Variants in CRPPA observed in about 807,000 individuals in gnomAD.
CRPPA encodes the protein CDP-L-ribitol pyrophosphorylase A.
Under a neutral mutation model 52.0 loss-of-function variants are expected in CRPPA, and 43 were observed. That is an observed-to-expected ratio of 0.83 (90% confidence interval 0.65 to 1.07). The LOEUF is 1.07. Ranked by LOEUF, CRPPA falls within the 50% of genes least tolerant of loss-of-function variation. The probability of loss-of-function intolerance (pLI) is 0.00; values close to 1 mark genes in which losing one functional copy is unlikely to be tolerated. For synonymous variants in CRPPA, 250 were observed against 203.5 expected, an observed-to-expected ratio of 1.23 and a Z score of -1.94; for missense variants, 629 against 551.7, an observed-to-expected ratio of 1.14 and a Z score of -1.40.
chr7:16,249,276 G>A (rs1388044873), intron 8 of CRPPA, among the ~76,000 whole-genome samples: 1 of 152,162 alleles, frequency 6.6e-6, no homozygotes, highest in Non-Finnish European at 1.5e-5. Context: ...AGAGCACCTG[G>A]GGGAAGGGGC....
chr7:16,228,334 C>T (rs1308372880), intron 8 of CRPPA, among the ~76,000 whole-genome samples: 1 of 151,794 alleles, frequency 6.6e-6, no homozygotes, highest in Non-Finnish European at 1.5e-5. Context: ...ATATTGTTTC[C>T]TTCCTTCTCC....
chr7:16,097,891 T>C (rs1781966578), intron 9 of CRPPA, among the ~76,000 whole-genome samples: 1 of 152,190 alleles, frequency 6.6e-6, no homozygotes, highest in Admixed American at 6.5e-5. Flanking sequence ...ATGTAGCACC[T>C]TGCAAGTGTA....
chr7:16,132,803 T>G (rs893650489), intron 9 of CRPPA, among the ~76,000 whole-genome samples: 2 of 124,614 alleles, frequency 1.6e-5, no homozygotes, highest in African/African-American at 5.2e-5. Context: ...ACAAAATATA[T>G]GTAGATGCTA....
intron 6 of CRPPA, among the ~76,000 whole-genome samples, chr7:16,273,974 G>T (rs1213410913): frequency 1.3e-5 from 2 of 152,138 alleles, no homozygotes; most frequent in Non-Finnish European, 2.9e-5. Context: ...CCTGCGAAGG[G>T]GCCAGGGGAA....
intron 5 of CRPPA, among the ~76,000 whole-genome samples, chr7:16,296,301 A>C (rs1784674046): frequency 6.6e-6 from 1 of 152,164 alleles, no homozygotes; most frequent in Non-Finnish European, 1.5e-5. Flanking sequence ...ACCAAATACC[A>C]ATGAAAGAAT....
At chr7:16,381,109 CT>C (rs1787074163) in intron 2 of CRPPA, among the ~76,000 whole-genome samples, 1 of 151,860 alleles carries the variant, frequency 6.6e-6, no homozygotes. Flanking sequence ...ATCTTTCCTG[CT>C]TTCTCTTGTG....
intron 3 of CRPPA, among the ~76,000 whole-genome samples, chr7:16,318,253 C>G (rs1785189267): frequency 6.6e-6 from 1 of 152,120 alleles, no homozygotes; most frequent in Non-Finnish European, 1.5e-5. Flanking sequence ...ACTCTCTTGT[C>G]CATCCATTAG....
intron 5 of CRPPA, among the ~76,000 whole-genome samples, chr7:16,284,757 T>C (rs1562607448): frequency 6.6e-6 from 1 of 152,154 alleles, no homozygotes; most frequent in Non-Finnish European, 1.5e-5. Flanking sequence ...GGCTGAAGCA[T>C]TTTATGCAAT....
intron 9 of CRPPA, among the ~76,000 whole-genome samples, chr7:16,176,125 A>G (rs563546239): frequency 1.3e-5 from 2 of 152,266 alleles, no homozygotes; most frequent in East Asian, 3.9e-4. Flanking sequence ...CATCTTCTCT[A>G]CAAACAACCT....
chr7:16,407,151 T>G (rs1029540607), intron 1 of CRPPA, among the ~76,000 whole-genome samples: 1 of 152,118 alleles, frequency 6.6e-6, no homozygotes, highest in Non-Finnish European at 1.5e-5. Flanking sequence ...AGTGTTTGTA[T>G]TTTTTTAGTA....
intron 9 of CRPPA, among the ~76,000 whole-genome samples, chr7:16,210,871 G>T (rs1562559095): frequency 6.6e-6 from 1 of 151,814 alleles, no homozygotes; most frequent in Non-Finnish European, 1.5e-5. Flanking sequence ...AGATCTGGGT[G>T]CAAACATACT....
intron 3 of CRPPA, among the ~76,000 whole-genome samples, chr7:16,352,109 T>C (rs976546257): frequency 2.6e-5 from 4 of 152,170 alleles, no homozygotes; most frequent in Non-Finnish European, 4.4e-5. Context: ...TCATGTCCTT[T>C]GCAGGGACAT....
At chr7:16,414,598 T>G (rs960008568) in intron 1 of CRPPA, among the ~76,000 whole-genome samples, 1 of 152,198 alleles carries the variant, frequency 6.6e-6, no homozygotes. Flanking sequence ...TCATCTGATT[T>G]CTTGGAGCAA....
chr7:16,306,808 A>C (rs1784922627), intron 4 of CRPPA, among the ~76,000 whole-genome samples: 2 of 152,138 alleles, frequency 1.3e-5, no homozygotes. Flanking sequence ...AGGATGAATA[A>C]AATGTTTGCC....
Position 16,367,962 on chromosome 7 carries a change from C to T in CRPPA, c.684+8130G>A, listed in dbSNP as rs552466954. Among the ~76,000 whole-genome samples the T allele has an allele frequency of 2.4e-3, 372 of 152,188 alleles. 2 individuals carry two copies. Among genetic ancestry groups the T allele is most frequent in the African/African-American group, 8.5e-3 (353 of 41,518 alleles). On this transcript the variant is annotated intron_variant, in intron 3 of 9. Coordinates refer to ENST00000407010, the MANE Select transcript of CRPPA (RefSeq NM_001101426.4). The stretch of plus-strand genomic sequence containing the variant: ...GACTGATTCTGTCACTGGCTGAATC[C>T]TGCTGTATCTTTCATGAATTTTCAT...
Position 16,115,538 on chromosome 7 carries a change from C to A in CRPPA, c.1252-23739G>T, listed in dbSNP as rs143610875. ...GTCCTGTTCACTTTGAAAGGGCTTA[C>A]AAATTGTGACATGCAAGGTGCAATG... On this transcript the variant is annotated intron_variant, in intron 9 of 9. Coordinates refer to ENST00000407010, the MANE Select transcript of CRPPA (RefSeq NM_001101426.4). 1.4e-3 allele frequency among the ~76,000 whole-genome samples: 214 copies of A among 152,262 alleles called. No homozygotes were observed. The East Asian group carries it at 0.021, about 15-fold the overall frequency.
chr7:16,185,352 G>A (rs1415448916), intron 9 of CRPPA, among the ~76,000 whole-genome samples: 1 of 152,048 alleles, frequency 6.6e-6, no homozygotes, highest in African/African-American at 2.4e-5. Context: ...CTCCCACCAG[G>A]ACCCTCCCAC....
intron 2 of CRPPA, among the ~76,000 whole-genome samples, chr7:16,390,165 T>C (rs907397770): frequency 6.6e-6 from 1 of 151,848 alleles, no homozygotes; most frequent in East Asian, 1.9e-4. Context: ...AATACGTCTC[T>C]ACATTTAGTC....
chr7:16,210,172 A>C (rs1254895926), intron 9 of CRPPA, among the ~76,000 whole-genome samples: 1 of 152,206 alleles, frequency 6.6e-6, no homozygotes, highest in Non-Finnish European at 1.5e-5. Context: ...GGATAGATAC[A>C]TGTATATAAT....
Sources: allele counts gnomAD v4.1 joint callset (sites outside exome capture counted in the v4.1 genomes callset), GRCh38; gene constraint gnomAD v4.1.1; transcripts MANE v1.5; gene names NCBI Gene and HGNC (gene_info 2026-07-23, HGNC 2026-07-21).